SYNE1: variants seen among roughly 807,000 people sequenced by gnomAD.
SYNE1 encodes the protein nesprin-1.
In SYNE1, 616 loss-of-function variants were observed where a neutral mutation model predicts 1,111.0. That is an observed-to-expected ratio of 0.55 (90% CI 0.52 to 0.59). The LOEUF (loss-of-function observed/expected upper bound fraction) is 0.59, where lower values mean the gene tolerates loss of function less well. SYNE1 is among the 20% of genes least tolerant of loss of function. SYNE1 has a pLI of 0.00. For synonymous variants in SYNE1, 3,855 were observed against 3,825.8 expected (o/e 1.01, Z -0.28); for missense variants, 10,006 against 10,417.0 (o/e 0.96, Z 1.72).
At chr6:152,215,996 T>C (rs1195866718) in intron 121 of SYNE1, among the ~76,000 whole-genome samples, 1 of 152,220 alleles carries the variant, frequency 6.6e-6, no homozygotes, top group Non-Finnish European at 1.5e-5. Context: ...TTTGGATCTC[T>C]TCCCTCCCTT....
At chr6:152,526,765 G>A (rs1457391442) in intron 4 of SYNE1, among the ~76,000 whole-genome samples, 1 of 152,150 alleles carries the variant, frequency 6.6e-6, no homozygotes, top group African/African-American at 2.4e-5. Context: ...TGAATCTAGC[G>A]AACCTTCTTT....
chr6:152,336,674 G>C, intron 76 of SYNE1, 167 bp downstream of exon 76: 1 of 872,730 alleles, frequency 1.1e-6, no homozygotes, highest in East Asian at 2.6e-5. Context: ...ACATGGACTT[G>C]TGCTTGTCCA....
At chr6:152,165,217 C>T (rs1338960035) in intron 130 of SYNE1, among the ~76,000 whole-genome samples, 3 of 152,172 alleles carry the variant, frequency 2.0e-5, no homozygotes, top group African/African-American at 7.2e-5. Flanking sequence ...ATACGTTTCT[C>T]TGATCAAGAC....
intron 18 of SYNE1, 85 bp from the exon 19 acceptor site, chr6:152,463,602 T>C (rs1010043633): frequency 8.5e-7 from 1 of 1,178,714 alleles, no homozygotes; most frequent in Non-Finnish European, 1.2e-6. Flanking sequence ...AGGAAAAATA[T>C]TTTTGTTTTA....
intron 58 of SYNE1, among the ~76,000 whole-genome samples, chr6:152,375,847 A>T (rs548044280): frequency 2.0e-5 from 3 of 152,352 alleles, no homozygotes; most frequent in Admixed American, 1.3e-4. Flanking sequence ...AATAGTGTGC[A>T]TTTATATAAA....
intron 3 of SYNE1, among the ~76,000 whole-genome samples, chr6:152,545,639 T>C (rs573392193): frequency 6.6e-6 from 1 of 152,232 alleles, no homozygotes; most frequent in South Asian, 2.1e-4. Flanking sequence ...TAATTATATA[T>C]AGGTAAGCAT....
At chr6:152,413,621 C>G in intron 41 of SYNE1, 90 bp from the exon 42 acceptor site, 5 of 1,316,138 alleles carry the variant, frequency 3.8e-6, no homozygotes, top group African/African-American at 1.5e-5. Flanking sequence ...GTCCATAAAG[C>G]ACTCATTTAG....
At position 152,401,580 on chromosome 6, in the gene SYNE1, A is replaced by C. The variant is rs214952; in HGVS notation, c.6826-239T>G. On this transcript the variant is annotated intron_variant, in intron 46 of 145. Transcript: ENST00000367255. Reference sequence around the variant, plus strand: ...GTGTTAACACTGGGTGGGAGAGTGGAAGCTCTAACTGAGGTTCCAGGGAAG... The same window carrying C: ...GTGTTAACACTGGGTGGGAGAGTGGCAGCTCTAACTGAGGTTCCAGGGAAG... Among the ~76,000 whole-genome samples the C allele has an allele frequency of 0.52, 79,703 of 151,936 alleles. 23,206 individuals carry two copies. Among genetic ancestry groups the C allele is most frequent in the African/African-American group, 0.77 (32,094 of 41,436 alleles).
At chr6:152,337,229 A>AAGACTTTAAATGTCTT (rs2096413937) in intron 75 of SYNE1, among the ~76,000 whole-genome samples, 1 of 152,234 alleles carries the variant, frequency 6.6e-6, no homozygotes, top group African/African-American at 2.4e-5. Flanking sequence ...AGGGTTCCTA[A>AAGACTTTAAATGTCTT]AGACTTTAAA....
intron 8 of SYNE1, 94 bp from the exon 9 acceptor site, chr6:152,505,491 A>G: frequency 2.2e-6 from 3 of 1,358,710 alleles, no homozygotes; most frequent in Non-Finnish European, 3.1e-6. Context: ...CTTTTCACCA[A>G]CGATATGCAG....
At chr6:152,586,655 T>TACAC (rs10530898) in intron 3 of SYNE1, among the ~76,000 whole-genome samples, 283 of 149,476 alleles carry the variant, frequency 1.9e-3, no homozygotes, top group East Asian at 7.0e-3. Context: ...CATACTCTCA[T>TACAC]ACACACACAC....
intron 93 of SYNE1, among the ~76,000 whole-genome samples, chr6:152,298,071 G>T (rs1562877585): frequency 6.6e-6 from 1 of 152,286 alleles, no homozygotes; most frequent in East Asian, 1.9e-4. Context: ...CTTATGAGTA[G>T]ATTCCTAAGG....
intron 77 of SYNE1, among the ~76,000 whole-genome samples, chr6:152,332,948 T>A (rs1662462541): frequency 6.6e-6 from 1 of 151,822 alleles, no homozygotes; most frequent in African/African-American, 2.4e-5. Flanking sequence ...GAGCCAGAAA[T>A]ATGAGTTGTT....
At chr6:152,496,320 G>T (rs1469215884) in intron 11 of SYNE1, among the ~76,000 whole-genome samples, 6 of 152,046 alleles carry the variant, frequency 3.9e-5, no homozygotes, top group Admixed American at 1.3e-4. Context: ...ATCTGGCCTG[G>T]TGTATGACAA....
intron 3 of SYNE1, among the ~76,000 whole-genome samples, chr6:152,591,745 A>T (rs1442392441): frequency 2.0e-5 from 3 of 152,186 alleles, no homozygotes; most frequent in Non-Finnish European, 4.4e-5. Context: ...AAGAGCAGAC[A>T]TTCACAAACT....
At chr6:152,168,080 T>G in intron 130 of SYNE1, 2 of 780,910 alleles carry the variant, frequency 2.6e-6, no homozygotes, top group Middle Eastern at 2.3e-4. Context: ...ATGAAAGCTA[T>G]GTACAATGGA....
chr6:152,572,170 T>C (rs1158870926), intron 3 of SYNE1, among the ~76,000 whole-genome samples: 6 of 152,216 alleles, frequency 3.9e-5, no homozygotes, highest in African/African-American at 1.4e-4. Context: ...TCTATTGTCA[T>C]TGCATAATAT....
intron 42 of SYNE1, among the ~76,000 whole-genome samples, chr6:152,411,063 G>A (rs771974652): frequency 9.9e-5 from 15 of 152,122 alleles, no homozygotes; most frequent in Non-Finnish European, 1.5e-4. Flanking sequence ...AATGTGCTCC[G>A]AATTTTGTTT....
chr6:152,309,094 G>A (rs564009388), intron 90 of SYNE1, among the ~76,000 whole-genome samples: 16 of 152,322 alleles, frequency 1.1e-4, no homozygotes, highest in African/African-American at 3.8e-4. Flanking sequence ...CAAGGTGGCT[G>A]GATCATGTGA....
Sources: allele counts gnomAD v4.1 joint callset (sites outside exome capture counted in the v4.1 genomes callset), GRCh38; gene constraint gnomAD v4.1.1; transcripts MANE v1.5; gene names NCBI Gene and HGNC (gene_info 2026-07-23, HGNC 2026-07-21).